The following MYH3 variants were observed in gnomAD, a reference collection of about 807,000 sequenced individuals.
The protein encoded by MYH3 is myosin heavy chain 3.
MYH3 carries 130 observed loss-of-function variants against 238.0 expected under a neutral mutation model. The ratio of observed to expected loss-of-function variants is 0.55; its 90% CI spans 0.47 to 0.63. The LOEUF is 0.63. Ranked by LOEUF, MYH3 falls within the 30% of genes least tolerant of loss-of-function variation. The pLI is 0.00. For missense variants in MYH3, 1,853 were observed against 2,374.9 expected (o/e 0.78, Z 4.57); for synonymous variants, 880 against 924.1 (o/e 0.95, Z 0.86).
At chr17:10,651,762 T>G (rs2074378253) in intron 4 of MYH3, 94 bp from the exon 5 acceptor site, 2 of 1,436,320 alleles carry the variant, frequency 1.4e-6, no homozygotes, top group Non-Finnish European at 1.9e-6. Context: ...TTTTTTTTTT[T>G]GAGACGGAGT....
Position 10,642,130 on chromosome 17 carries a change from G to A in MYH3, c.1959+110C>T. 1 of 1,028,252 alleles carries A rather than the reference G, an allele frequency of 9.7e-7. No individual in the cohort carries two copies. The highest frequency in any genetic ancestry group is 1.5e-6 in the Non-Finnish European group (1 of 669,500). 63.7% of individuals were successfully genotyped at this position (1,028,252 alleles called of 1,614,324 possible). On this transcript the variant is annotated intron_variant, in intron 17 of 40. Transcript: ENST00000583535. The surrounding 1 kb of genome is among the most constrained non-coding windows in gnomAD (Gnocchi z 5.4). ...CACTTCACCTCAGTGACAGTAATCA[G>A]ATTAAGACAACACTACTACTCTCAA... is the stretch of plus-strand genomic sequence containing the variant.
At chr17:10,644,792 T>C in intron 12 of MYH3, 90 bp from the exon 13 acceptor site, 1 of 1,005,370 alleles carries the variant, frequency 9.9e-7, no homozygotes, top group Non-Finnish European at 1.6e-6. Context: ...AAGTTCATCT[T>C]GGTACATTGT....
chr17:10,640,799 G>A, intron 19 of MYH3, 113 bp from the exon 20 acceptor site: 1 of 1,349,688 alleles, frequency 7.4e-7, no homozygotes, highest in South Asian at 1.2e-5. Flanking sequence ...CCCAGGAGAT[G>A]AGGGAACTAG....
At chr17:10,638,773 CCA>C in intron 26 of MYH3, 98 bp downstream of exon 26, 1 of 1,242,692 alleles carries the variant, frequency 8.0e-7, no homozygotes, top group Non-Finnish European at 1.2e-6. Context: ...GCAGGTGGCC[CCA>C]CAGTCTTGCC....
intron 28 of MYH3, among the ~76,000 whole-genome samples, chr17:10,636,288 C>CAAAAAAAAA (rs397786526): frequency 1.2e-5 from 1 of 81,014 alleles, no homozygotes; most frequent in African/African-American, 5.2e-5. Flanking sequence ...GCCTCAATCT[C>CAAAAAAAAA]AAAAAAAAAA....
At chr17:10,673,815 C>T in the MYH3 span, 1 of 152,176 alleles carries the variant, frequency 6.6e-6, no homozygotes, top group South Asian at 2.1e-4. Flanking sequence ...TGGAGAAACG[C>T]TTGGTATACT....
rs910619666 is a variant in MYH3, at chr17:10,631,493, C to G, written c.5286+118G>C. ...GAGTTTGAGCGGAGATGGGAGCCCT[C>G]GGGGAGCAGAATGTGCACCAGGTGT... On this transcript the variant is annotated intron_variant, in intron 36 of 40. Coordinates refer to ENST00000583535, the MANE Select transcript of MYH3 (RefSeq NM_002470.4). The G allele has an allele frequency of 1.2e-5, 18 of 1,484,392 alleles. No individual in the cohort carries two copies. The East Asian group carries it at 2.3e-4, about 19-fold the overall frequency. The allele number at this position is 1,484,392 out of a possible 1,614,324, so 92.0% of individuals were successfully genotyped here.
Position 10,646,719 on chromosome 17 carries a change from G to T in MYH3, c.898+463C>A, listed in dbSNP as rs941559055. ...TTTGATTAGGTTTTCAAATTGGCAT[G>T]TCACTGCCCAGATAGCCACATCCCA... On this transcript the variant is annotated intron_variant, in intron 10 of 40. Coordinates refer to ENST00000583535, the MANE Select transcript of MYH3 (RefSeq NM_002470.4). 5.5e-4 allele frequency among the ~76,000 whole-genome samples: 83 copies of T among 152,280 alleles called. 1 individual carries two copies. The highest frequency in any genetic ancestry group is 5.3e-3 in the Admixed American group (81 of 15,296).
intron 12 of MYH3, 97 bp downstream of exon 12, chr17:10,645,610 A>C: frequency 6.7e-7 from 1 of 1,496,748 alleles, no homozygotes; most frequent in Non-Finnish European, 9.2e-7. Context: ...GGTGTGAGCC[A>C]CTGTGCCTGG....
chr17:10,632,987 A>G (rs2074180241), intron 33 of MYH3, among the ~76,000 whole-genome samples: 1 of 152,188 alleles, frequency 6.6e-6, no homozygotes, highest in South Asian at 2.1e-4. Flanking sequence ...CGAGGGGGGC[A>G]GATCACCTGA....
In MYH3 at chr17:10,635,411, G is replaced by A. The variant is rs112569418; in HGVS notation, c.4128C>T (p.Tyr1376=). ...CTGTGCGCTGGATGGCGTCCGTCTC[G>A]TATTTGGTTCTCCACTGGGCAACCT... is the stretch of plus-strand genomic sequence containing the variant. ...NSEVAQWRTK[Y]ETDAIQRTEE... is the part of the protein sequence containing the mutation. Residue 1376 remains tyrosine, a synonymous_variant, in exon 30 of 41, where the codon TAC becomes TAT. Transcript: ENST00000583535. 7.2e-3 allele frequency: 11,636 copies of A among 1,614,022 alleles called. 117 individuals are homozygous for A. Among genetic ancestry groups the A allele is most frequent in the African/African-American group, 0.041 (3,061 of 75,032 alleles).
chr17:10,667,689 A>G, the MYH3 span, among the ~76,000 whole-genome samples: 1 of 151,980 alleles, frequency 6.6e-6, no homozygotes, highest in East Asian at 1.9e-4. Flanking sequence ...CTAAAAAAAA[A>G]AAAAAAAAAG....
chr17:10,654,143 CTT>C lies in MYH3; in HGVS notation c.204+716_204+717del, dbSNP rs879724082. Among the ~76,000 whole-genome samples, 37 of 79,226 alleles carry C rather than the reference CTT, an allele frequency of 4.7e-4. No individual in the cohort carries two copies. The highest frequency in any genetic ancestry group is 8.1e-4 in the Non-Finnish European group (21 of 25,942). 52.0% of individuals were successfully genotyped at this position (79,226 alleles called of 152,430 possible). On this transcript the variant is annotated intron_variant, in intron 3 of 40. Coordinates refer to ENST00000583535, the MANE Select transcript of MYH3 (RefSeq NM_002470.4). This position sits in a 1 kb window ranked among gnomAD's most constrained non-coding sequence, Gnocchi z 4.5. The stretch of plus-strand genomic sequence containing the variant: ...TTTACTTGTCTCTTTTATTTTCTTT[CTT>C]TCTTTCTCTTTCTTTCTTTCCTTCC...
chr17:10,671,652 T>C, the MYH3 span, among the ~76,000 whole-genome samples: 1 of 143,144 alleles, frequency 7.0e-6, no homozygotes, highest in Admixed American at 7.4e-5. Flanking sequence ...TGATCTCGGC[T>C]CACTGCAAGC....
the MYH3 span, chr17:10,675,427 T>C: frequency 6.6e-6 from 1 of 152,288 alleles, no homozygotes; most frequent in African/African-American, 2.4e-5. Context: ...CTTTCAAGAC[T>C]GCCTTTTGCA....
At chr17:10,655,269 A>G (rs1178938990) in intron 2 of MYH3, among the ~76,000 whole-genome samples, 197 bp from the exon 3 acceptor site, 1 of 152,086 alleles carries the variant, frequency 6.6e-6, no homozygotes, top group African/African-American at 2.4e-5. Flanking sequence ...ACACGGGTGC[A>G]TATTTATTGA....
At chr17:10,671,536 CTGTT>C in the MYH3 span, among the ~76,000 whole-genome samples, 1 of 147,658 alleles carries the variant, frequency 6.8e-6, no homozygotes, top group Admixed American at 6.8e-5. Flanking sequence ...TTTTCTGAAG[CTGTT>C]TGTGTCCTTT....
chr17:10,658,820 C>A (rs549359694), upstream of MYH3: 30 of 152,294 alleles, frequency 2.0e-4, no homozygotes, highest in African/African-American at 6.3e-4. Flanking sequence ...AGAGGGTAAC[C>A]GTCACTCCTA....
chr17:10,671,253 A>G, the MYH3 span, among the ~76,000 whole-genome samples: 6 of 152,046 alleles, frequency 3.9e-5, no homozygotes, highest in Non-Finnish European at 7.4e-5. Context: ...ATTATTTACT[A>G]TTTCCATGAT....
Sources: allele counts gnomAD v4.1 joint callset (sites outside exome capture counted in the v4.1 genomes callset), GRCh38; gene constraint gnomAD v4.1.1; non-coding constraint Gnocchi (gnomAD v3.1); transcripts MANE v1.5; gene names NCBI Gene and HGNC (gene_info 2026-07-23, HGNC 2026-07-21).